FYCO1: variants seen among roughly 807,000 people sequenced by gnomAD.
FYCO1 encodes the protein FYVE and coiled-coil domain autophagy adaptor 1.
Under a neutral mutation model 165.1 loss-of-function variants are expected in FYCO1, and 122 were observed. That is an observed-to-expected ratio of 0.74 (90% CI 0.64 to 0.86). The LOEUF is 0.86. FYCO1 is among the 40% of genes least tolerant of loss of function. FYCO1 has a pLI of 0.00. For missense variants in FYCO1, 1,702 were observed against 1,810.3 expected (o/e 0.94, Z 1.09); for synonymous variants, 648 against 742.5 (o/e 0.87, Z 2.07).
rs887013615 is a variant in FYCO1, at chr3:45,969,753, G to A, written c.552C>T (p.Thr184=). 6.2e-7 allele frequency: 1 copy of A among 1,613,762 alleles called. No individual in the cohort carries two copies. The part of the protein sequence containing the change: ...AWPTFARRTL[T]TGSSAYLWKP... ...TCCACAGGTAAGCAGAAGAGCCAGT[G>A]GTCAGCGTCCTCCTGTGGGGCCACA... Residue 184 remains threonine, a synonymous_variant, in exon 7 of 18, where the codon ACC becomes ACT. Transcript: ENST00000296137.
chr3:45,955,260 A>T lies in FYCO1; in HGVS notation c.3933T>A (p.Asn1311Lys), dbSNP rs780558778. The change falls in exon 14 of 18, where the codon AAT becomes AAA. Residue 1311 changes from asparagine (N) to lysine (K), a missense_variant. Asn to Lys is a moderately conservative substitution (Grantham distance 94, BLOSUM62 0). Coordinates refer to ENST00000296137, the MANE Select transcript of FYCO1 (RefSeq NM_024513.4). ...TPTETDSLDP[N>K]AAEQDTTSTS... ...TGACCTCTACTCACTGTTCAGCCGCATTTGGGTCGAGAGAATCAGTTTCAG... is the reference window on the plus strand; with the variant it reads ...TGACCTCTACTCACTGTTCAGCCGCTTTTGGGTCGAGAGAATCAGTTTCAG... The T allele has an allele frequency of 1.2e-5, 19 of 1,613,896 alleles. No individual in the cohort carries two copies. In the South Asian group the frequency reaches 2.1e-4, roughly 18 times the overall value.
intron 15 of FYCO1, among the ~76,000 whole-genome samples, chr3:45,932,477 T>C (rs1339003261): frequency 3.3e-5 from 5 of 152,240 alleles, no homozygotes; most frequent in Admixed American, 6.5e-5. Flanking sequence ...AGAAATTCAA[T>C]CCAGGCTCAC....
rs1575394111 is a variant in FYCO1, at chr3:45,993,064, T to C, written c.-113+2658A>G. Among the ~76,000 whole-genome samples the C allele has an allele frequency of 6.6e-6, 1 of 152,098 alleles. No homozygotes were observed. The highest frequency in any genetic ancestry group is 2.4e-5 in the African/African-American group (1 of 41,400). ...GTAGTTGGCCAGATCAGCCCTTGGG[T>C]CCCAGCCACAGGGCCACAATACTAT... is the stretch of plus-strand genomic sequence containing the variant. On this transcript the variant is annotated intron_variant, in intron 1 of 17. Coordinates refer to ENST00000296137, the MANE Select transcript of FYCO1 (RefSeq NM_024513.4). The surrounding 1 kb of genome is among the most constrained non-coding windows in gnomAD (Gnocchi z 4.4).
At chr3:45,943,730 T>A (rs369064798) in intron 14 of FYCO1, among the ~76,000 whole-genome samples, 3 of 152,174 alleles carry the variant, frequency 2.0e-5, no homozygotes, top group Non-Finnish European at 2.9e-5. Flanking sequence ...TGGAGAAACA[T>A]GAAAACTACT....
intron 16 of FYCO1, among the ~76,000 whole-genome samples, chr3:45,928,924 A>C (rs1242297457): frequency 6.6e-6 from 1 of 152,234 alleles, no homozygotes; most frequent in Non-Finnish European, 1.5e-5. Flanking sequence ...TCCAGTATAC[A>C]GGACACACTC....
intron 14 of FYCO1, among the ~76,000 whole-genome samples, chr3:45,954,802 C>A (rs1705220149): frequency 6.6e-6 from 1 of 152,148 alleles, no homozygotes; most frequent in Admixed American, 6.5e-5. Context: ...CAACAGGGGA[C>A]AGCCACATGA....
chr3:45,973,328 G>A (rs1275397298), intron 5 of FYCO1, 97 bp from the exon 6 acceptor site: 2 of 1,238,646 alleles, frequency 1.6e-6, no homozygotes, highest in Non-Finnish European at 2.3e-6. Flanking sequence ...TTCCAACTCA[G>A]GTTACTAAAT....
intron 15 of FYCO1, among the ~76,000 whole-genome samples, chr3:45,933,049 G>C (rs1209104018): frequency 6.6e-6 from 1 of 152,148 alleles, no homozygotes; most frequent in Non-Finnish European, 1.5e-5. Flanking sequence ...CAATCATCTA[G>C]TCTAGACATC....
At chr3:45,929,676 T>C (rs1198759586) in intron 16 of FYCO1, among the ~76,000 whole-genome samples, 1 of 152,142 alleles carries the variant, frequency 6.6e-6, no homozygotes, top group Non-Finnish European at 1.5e-5. Flanking sequence ...TAGGAGGAGC[T>C]GGCTACAAGC....
Position 45,920,009 on chromosome 3 carries a change from A to G in FYCO1, c.*1756T>C, listed in dbSNP as rs1167476715. 2.6e-5 allele frequency: 4 copies of G among 152,272 alleles called. No individual in the cohort carries two copies. The highest frequency in any genetic ancestry group is 9.6e-5 in the African/African-American group (4 of 41,468). 9.4% of individuals were successfully genotyped at this position (152,272 alleles called of 1,614,324 possible). On this transcript the variant is annotated 3_prime_UTR_variant, in exon 18 of 18. Coordinates refer to ENST00000296137, the MANE Select transcript of FYCO1 (RefSeq NM_024513.4). ...GAAGAGGCTGCTCCAAGGAAGCCGAATGCAAGAGGCCCAGCTTTTCTCTGG... is the reference window on the plus strand; with the variant it reads ...GAAGAGGCTGCTCCAAGGAAGCCGAGTGCAAGAGGCCCAGCTTTTCTCTGG...
In FYCO1 at chr3:45,936,502, T is replaced by C. The variant is rs1243394012; in HGVS notation, c.3986A>G (p.Asp1329Gly). The C allele has an allele frequency of 1.2e-6, 2 of 1,613,958 alleles. No individual in the cohort carries two copies. The highest frequency in any genetic ancestry group is 1.7e-6 in the Non-Finnish European group (2 of 1,179,918). The change falls in exon 15 of 18, where the codon GAC becomes GGC. Residue 1329 changes from aspartate (D) to glycine (G), a missense_variant. Transcript: ENST00000296137. Reference sequence around the variant, plus strand: ...TTCCGAATCCTGCCCCACGGGCATGTCTTCAGTGTCCTCAGGCGTTAGCGA... The same window carrying C: ...TTCCGAATCCTGCCCCACGGGCATGCCTTCAGTGTCCTCAGGCGTTAGCGA... ...STSLTPEDTE[D>G]MPVGQDSEIC... is the part of the protein sequence containing the mutation.
At chr3:45,986,751 G>T (rs72891705) in intron 1 of FYCO1, among the ~76,000 whole-genome samples, 97 of 152,294 alleles carry the variant, frequency 6.4e-4, no homozygotes, top group African/African-American at 2.0e-3. Context: ...AAGCCTGCCT[G>T]CCCATCCCTG....
At chr3:45,992,296 C>A (rs1276831816) in intron 1 of FYCO1, among the ~76,000 whole-genome samples, 5 of 152,138 alleles carry the variant, frequency 3.3e-5, no homozygotes, top group Non-Finnish European at 5.9e-5. Flanking sequence ...AGCATGACAA[C>A]AGCAGTGCCA....
At chr3:45,949,561 G>T (rs1384785588) in intron 14 of FYCO1, among the ~76,000 whole-genome samples, 1 of 152,174 alleles carries the variant, frequency 6.6e-6, no homozygotes, top group African/African-American at 2.4e-5. Flanking sequence ...GTACCCCTGT[G>T]CAGGGGATGC....
intron 14 of FYCO1, 74 bp from the exon 15 acceptor site, chr3:45,936,617 C>A: frequency 9.3e-7 from 1 of 1,075,716 alleles, no homozygotes. Context: ...GGTCCGCAGT[C>A]TTGGAGTCAC....
chr3:45,922,606 C>T (rs1033601815), intron 17 of FYCO1, among the ~76,000 whole-genome samples: 1 of 152,148 alleles, frequency 6.6e-6, no homozygotes, highest in Non-Finnish European at 1.5e-5. Context: ...TAGGTCTATG[C>T]CATGAGGTCC....
Position 45,921,769 on chromosome 3 carries a change from A to G in FYCO1, c.4433T>C (p.Leu1478Pro). The change falls in exon 18 of 18, where the codon CTG (leucine) becomes CCG (proline). Residue 1478 changes from leucine to proline, a missense_variant. By Grantham distance (98) the Leu-to-Pro change is moderately conservative. Transcript: ENST00000296137. ...GAAGTTACTGAGGTGCTGAAGCTAC[A>G]GGAAATCACTTCCATCGTAGATCAC... The part of the protein sequence containing the change: ...RPVIYDGSDF[L>P] 6.2e-7 allele frequency: 1 copy of G among 1,602,770 alleles called. No homozygotes were observed. Among genetic ancestry groups the G allele is most frequent in the Non-Finnish European group, 8.5e-7 (1 of 1,169,612 alleles).
At position 45,968,684 on chromosome 3, in the gene FYCO1, T is replaced by C. The variant is rs1706253197; in HGVS notation, c.650A>G (p.Asn217Ser). The change falls in exon 8 of 18, where the codon AAC (asparagine) becomes AGC (serine). Residue 217 changes from asparagine to serine, a missense_variant. Physicochemically the swap from Asn to Ser is conservative, Grantham distance 46 (BLOSUM62 1). Coordinates refer to ENST00000296137, the MANE Select transcript of FYCO1 (RefSeq NM_024513.4). Reference protein sequence around the residue: ...SYLQTQEMVSNFDLNSPLNNE... With the variant: ...SYLQTQEMVSSFDLNSPLNNE... ...GTTTAGGGGGCTGTTCAGGTCAAAG[T>C]TGGACACCATCTCTTGAGTCTGGGA... 6.2e-7 allele frequency: 1 copy of C among 1,614,206 alleles called. No homozygotes were observed. Among genetic ancestry groups the C allele is most frequent in the Middle Eastern group, 1.6e-4 (1 of 6,062 alleles).
chr3:45,964,645 G>GCA lies in FYCO1; in HGVS notation c.3151-192_3151-191insTG. Reference sequence around the variant, plus strand: ...GGCCTCAACTGCAACTAGTTGTGGTGGTTGGCAAGTGGCAGGTACCAGAAT... The same window carrying GCA: ...GGCCTCAACTGCAACTAGTTGTGGTGCAGTTGGCAAGTGGCAGGTACCAGAAT... On this transcript the variant is annotated intron_variant, in intron 9 of 17. Transcript: ENST00000296137. The surrounding 1 kb of genome is among the most constrained non-coding windows in gnomAD (Gnocchi z 4.1). 4 of 743,436 alleles carry GCA rather than the reference G, an allele frequency of 5.4e-6. No homozygotes were observed. Among genetic ancestry groups the GCA allele is most frequent in the Non-Finnish European group, 6.6e-6 (4 of 608,822 alleles). 46.1% of individuals were successfully genotyped at this position (743,436 alleles called of 1,614,324 possible).
Sources: allele counts gnomAD v4.1 joint callset (sites outside exome capture counted in the v4.1 genomes callset), GRCh38; gene constraint gnomAD v4.1.1; non-coding constraint Gnocchi (gnomAD v3.1); transcripts MANE v1.5; gene names NCBI Gene and HGNC (gene_info 2026-07-23, HGNC 2026-07-21).